The following ENTREP2 variants were observed in gnomAD, a reference collection of about 807,000 sequenced individuals.
The protein encoded by ENTREP2 is endosomal transmembrane epsin interactor 2, also known as protein ENTREP2.
chr15:29,508,623 CAA>C, the ENTREP2 span, among the ~76,000 whole-genome samples: 1,022 of 151,412 alleles, frequency 6.7e-3, 9 homozygotes, highest in African/African-American at 0.023. Context: ...TAATGTATCA[CAA>C]ATAAACAGAA....
At chr15:29,157,853 C>T in the ENTREP2 span, among the ~76,000 whole-genome samples, 1 of 152,000 alleles carries the variant, frequency 6.6e-6, no homozygotes, top group East Asian at 1.9e-4. Context: ...CCTCAGCCTC[C>T]CGAGTAGCTG....
At chr15:29,654,629 T>C in the ENTREP2 span, among the ~76,000 whole-genome samples, 1 of 152,308 alleles carries the variant, frequency 6.6e-6, no homozygotes, top group South Asian at 2.1e-4. Context: ...GAGATCCATA[T>C]CTCTATGTAA....
chr15:29,220,677 G>T, the ENTREP2 span, among the ~76,000 whole-genome samples: 34 of 152,244 alleles, frequency 2.2e-4, no homozygotes, highest in African/African-American at 7.7e-4. Context: ...CAAATCTGAT[G>T]AGAATCTAGG....
the ENTREP2 span, among the ~76,000 whole-genome samples, chr15:29,392,147 G>A: frequency 6.7e-6 from 1 of 149,438 alleles, no homozygotes; most frequent in Non-Finnish European, 1.5e-5. Flanking sequence ...ATTTTTTAGT[G>A]GAGAAGGGGT....
chr15:29,125,046 G>A, the ENTREP2 span, among the ~76,000 whole-genome samples: 1 of 152,196 alleles, frequency 6.6e-6, no homozygotes, highest in South Asian at 2.1e-4. Context: ...CTCACCTGAA[G>A]GGCTCCAGGC....
chr15:29,532,582 A>G, the ENTREP2 span, among the ~76,000 whole-genome samples: 1 of 152,212 alleles, frequency 6.6e-6, no homozygotes, highest in African/African-American at 2.4e-5. Flanking sequence ...TGTGCCAAAC[A>G]GCATCATCTT....
At chr15:29,459,206 T>G in the ENTREP2 span, among the ~76,000 whole-genome samples, 1 of 152,198 alleles carries the variant, frequency 6.6e-6, no homozygotes, top group Non-Finnish European at 1.5e-5. Flanking sequence ...AGACTATCAG[T>G]CCTGGTCCTT....
chr15:29,233,577 C>T, the ENTREP2 span: 1 of 616,094 alleles, frequency 1.6e-6, no homozygotes, highest in Non-Finnish European at 2.9e-6. Flanking sequence ...ATTTAGTCCA[C>T]AAAATACTGA....
chr15:29,487,973 G>C, the ENTREP2 span, among the ~76,000 whole-genome samples: 1 of 152,216 alleles, frequency 6.6e-6, no homozygotes, highest in Non-Finnish European at 1.5e-5. Context: ...AATTACAAGT[G>C]TGAGCCACCA....
At chr15:29,337,510 T>C in the ENTREP2 span, among the ~76,000 whole-genome samples, 8 of 152,208 alleles carry the variant, frequency 5.3e-5, no homozygotes, top group African/African-American at 1.9e-4. Flanking sequence ...TACAGTGAGA[T>C]TGTATTACAT....
At chr15:29,674,265 T>G in the ENTREP2 span, among the ~76,000 whole-genome samples, 1 of 151,882 alleles carries the variant, frequency 6.6e-6, no homozygotes, top group Non-Finnish European at 1.5e-5. Context: ...CAGAGTTGTT[T>G]TTTTTGTTTT....
chr15:29,122,030 CCT>C, the ENTREP2 span: 1 of 152,362 alleles, frequency 6.6e-6, no homozygotes, highest in Non-Finnish European at 1.5e-5. Flanking sequence ...CTCTGGTCCC[CCT>C]GCGCCCCCAT....
At chr15:29,351,346 A>C in the ENTREP2 span, among the ~76,000 whole-genome samples, 2 of 152,246 alleles carry the variant, frequency 1.3e-5, no homozygotes, top group Non-Finnish European at 2.9e-5. Flanking sequence ...GGACCATTAT[A>C]GACATCATTA....
chr15:29,445,686 T>C, the ENTREP2 span, among the ~76,000 whole-genome samples: 1 of 152,138 alleles, frequency 6.6e-6, no homozygotes, highest in African/African-American at 2.4e-5. Flanking sequence ...TTATAATAAT[T>C]GGGTAAATGT....
At chr15:29,118,667 C>A in the ENTREP2 span, among the ~76,000 whole-genome samples, 1 of 152,208 alleles carries the variant, frequency 6.6e-6, no homozygotes, top group Non-Finnish European at 1.5e-5. Flanking sequence ...CTTCAGATTT[C>A]AACGTAAATG....
chr15:29,122,524 A>G, the ENTREP2 span: 1 of 152,182 alleles, frequency 6.6e-6, no homozygotes, highest in Non-Finnish European at 1.5e-5. Context: ...GCTCAGACAC[A>G]AAGGAGCTGG....
At chr15:29,647,987 A>G in the ENTREP2 span, among the ~76,000 whole-genome samples, 2 of 152,206 alleles carry the variant, frequency 1.3e-5, no homozygotes, top group Non-Finnish European at 2.9e-5. Flanking sequence ...TGACTCCTCC[A>G]TGAACTTAAC....
chr15:29,400,142 G>T, the ENTREP2 span, among the ~76,000 whole-genome samples: 2 of 152,306 alleles, frequency 1.3e-5, no homozygotes, highest in South Asian at 4.1e-4. Context: ...GCACATATGT[G>T]AAAATTAAAG....
chr15:29,380,786 T>C, the ENTREP2 span, among the ~76,000 whole-genome samples: 1 of 151,928 alleles, frequency 6.6e-6, no homozygotes. Context: ...TGTGCGATCA[T>C]ACATATGCAT....
Sources: allele counts gnomAD v4.1 joint callset (sites outside exome capture counted in the v4.1 genomes callset), GRCh38; gene constraint gnomAD v4.1.1; transcripts MANE v1.5; gene names NCBI Gene and HGNC (gene_info 2026-07-23, HGNC 2026-07-21).